Variants in KCTD21 observed in about 807,000 individuals in gnomAD.
KCTD21 encodes potassium channel tetramerization domain containing 21.
A neutral mutation model predicts 13.2 loss-of-function variants in KCTD21; 9 were observed. The observed-to-expected ratio is 0.68, with a 90% CI of 0.41 to 1.19. The LOEUF (loss-of-function observed/expected upper bound fraction) is 1.19. KCTD21 is among the 50% of genes most tolerant of loss of function. The pLI is 0.01. For missense variants in KCTD21, 303 were observed against 336.5 expected (o/e 0.90, Z 0.78); for synonymous variants, 142 against 137.4 (o/e 1.03, Z -0.23).
At chr11:78,178,460 T>C (rs1399027219) in intron 1 of KCTD21, among the ~76,000 whole-genome samples, 1 of 152,070 alleles carries the variant, frequency 6.6e-6, no homozygotes, top group African/African-American at 2.4e-5. Flanking sequence ...AGGGCCACAG[T>C]GTCCATCATC....
intron 1 of KCTD21, among the ~76,000 whole-genome samples, chr11:78,179,045 A>G (rs1054912070): frequency 6.6e-6 from 1 of 151,950 alleles, no homozygotes; most frequent in African/African-American, 2.4e-5. Flanking sequence ...GCTGATAAGA[A>G]CCTCAAATGG....
intron 1 of KCTD21, chr11:78,187,380 G>A: frequency 1.0e-6 from 1 of 985,420 alleles, no homozygotes; most frequent in South Asian, 4.7e-5. Context: ...CCCATAGGGA[G>A]GAGAGAAAAG....
Position 78,174,402 on chromosome 11 carries a change from A to C in KCTD21, c.153T>G (p.Arg51=), listed in dbSNP as rs772738669. 3.2e-5 allele frequency: 51 copies of C among 1,613,848 alleles called. No individual in the cohort carries two copies. The highest frequency in any genetic ancestry group is 4.2e-5 in the Non-Finnish European group (50 of 1,180,020). The change falls in exon 2 of 2, where the codon CGT becomes CGG. Residue 51 remains arginine (R), a synonymous_variant. Transcript: ENST00000340067. ...GGATATAGCGGAACACTTTGCCGTC[A>C]CGGTCAATGAAGCAGTTGCCCTGGC... ...RDSQGNCFID[R]DGKVFRYILN...
chr11:78,175,231 G>A (rs1862415094), intron 1 of KCTD21: 1 of 150,832 alleles, frequency 6.6e-6, no homozygotes, highest in South Asian at 2.1e-4. Context: ...GCTGGGGCAG[G>A]AGAATCATTT....
intron 1 of KCTD21, among the ~76,000 whole-genome samples, chr11:78,186,392 A>G (rs1453228262): frequency 1.4e-5 from 2 of 141,048 alleles, no homozygotes; most frequent in African/African-American, 5.8e-5. Context: ...AAAAAAAAAA[A>G]AAAAAAAAAA....
chr11:78,187,406 A>T (rs1590886882), intron 1 of KCTD21: 1 of 985,300 alleles, frequency 1.0e-6, no homozygotes, highest in African/African-American at 1.7e-5. Flanking sequence ...TCCTAGACAC[A>T]GGGACCCCAG....
chr11:78,184,086 A>C (rs186986322), intron 1 of KCTD21, among the ~76,000 whole-genome samples: 5 of 152,376 alleles, frequency 3.3e-5, no homozygotes, highest in African/African-American at 1.2e-4. Context: ...ACATAATTAT[A>C]ACAGACTCAG....
In KCTD21 at chr11:78,173,766, G is replaced by A. The variant is rs755490315; in HGVS notation, c.*6C>T. The A allele has an allele frequency of 3.8e-6, 6 of 1,598,746 alleles. No individual in the cohort carries two copies. In the East Asian group the frequency reaches 1.3e-4, roughly 36 times the overall value. ...ACTCCCCATCTCCAGTGTTGTTGGGGTCCTTTTACCTGTACCGTATTAATC... is the reference window on the plus strand; with the variant it reads ...ACTCCCCATCTCCAGTGTTGTTGGGATCCTTTTACCTGTACCGTATTAATC... On this transcript the variant is annotated 3_prime_UTR_variant, in exon 2 of 2. Transcript: ENST00000340067.
intron 1 of KCTD21, chr11:78,188,219 C>A: frequency 1.0e-6 from 1 of 984,978 alleles, no homozygotes; most frequent in Non-Finnish European, 1.2e-6. Context: ...CCTACAGCCC[C>A]CACTCCGACC....
chr11:78,186,357 G>T (rs1477703422), intron 1 of KCTD21, among the ~76,000 whole-genome samples: 1 of 102,840 alleles, frequency 9.7e-6, no homozygotes, highest in Non-Finnish European at 1.8e-5. Flanking sequence ...GGGCAACAGA[G>T]TAAGACCCTG....
intron 1 of KCTD21, among the ~76,000 whole-genome samples, chr11:78,183,491 G>A (rs1590882626): frequency 6.6e-6 from 1 of 151,542 alleles, no homozygotes; most frequent in Admixed American, 6.6e-5. Context: ...AGCCAAGATC[G>A]TGCCACTGCA....
At chr11:78,178,881 A>C (rs148313158) in intron 1 of KCTD21, among the ~76,000 whole-genome samples, 1 of 152,300 alleles carries the variant, frequency 6.6e-6, no homozygotes, top group Non-Finnish European at 1.5e-5. Flanking sequence ...CAAAGGATCA[A>C]ACGCTCCTCT....
At chr11:78,184,830 G>A (rs1862725738) in intron 1 of KCTD21, among the ~76,000 whole-genome samples, 1 of 151,904 alleles carries the variant, frequency 6.6e-6, no homozygotes. Flanking sequence ...GTTCACTGCA[G>A]CCTTGACATC....
At chr11:78,186,738 C>CT (rs1459185412) in intron 1 of KCTD21, 1 of 985,490 alleles carries the variant, frequency 1.0e-6, no homozygotes, top group Non-Finnish European at 1.2e-6. Flanking sequence ...ATCTGCCATC[C>CT]CCTCTGCCTG....
intron 1 of KCTD21, among the ~76,000 whole-genome samples, chr11:78,186,326 C>A (rs954162413): frequency 7.8e-6 from 1 of 127,770 alleles, no homozygotes; most frequent in East Asian, 2.3e-4. Flanking sequence ...AAGCCGAGAT[C>A]ACGCCACTGC....
Position 78,175,661 on chromosome 11 carries a change from A to T in KCTD21, c.-29-1078T>A, listed in dbSNP as rs1324212902. Among the ~76,000 whole-genome samples the T allele has an allele frequency of 2.6e-5, 4 of 152,290 alleles. No homozygotes were observed. In the East Asian group the frequency reaches 7.7e-4, roughly 29 times the overall value. ...AATGGCCATGATTAGTGTCATTTCCATCTATCTTCAAGGCCCACAGTGGGT... is the reference window on the plus strand; with the variant it reads ...AATGGCCATGATTAGTGTCATTTCCTTCTATCTTCAAGGCCCACAGTGGGT... On this transcript the variant is annotated intron_variant, in intron 1 of 1. Transcript: ENST00000340067.
chr11:78,188,220 C>G (rs994662768), intron 1 of KCTD21: 23 of 984,908 alleles, frequency 2.3e-5, no homozygotes, highest in Non-Finnish European at 2.0e-5. Context: ...CTACAGCCCC[C>G]ACTCCGACCT....
At chr11:78,177,163 G>A (rs955106085) in intron 1 of KCTD21, among the ~76,000 whole-genome samples, 1 of 152,216 alleles carries the variant, frequency 6.6e-6, no homozygotes, top group Non-Finnish European at 1.5e-5. Flanking sequence ...CTGCACTGAG[G>A]CCTCCTTTCT....
At position 78,171,941 on chromosome 11, in the gene KCTD21, AG is replaced by A; in HGVS notation, c.*1830del. 1 of 152,374 alleles carries A rather than the reference AG, an allele frequency of 6.6e-6. No homozygotes were observed. The highest frequency in any genetic ancestry group is 1.5e-5 in the Non-Finnish European group (1 of 68,100). The allele number at this position is 152,374 out of a possible 1,614,324, so 9.4% of individuals were successfully genotyped here. On this transcript the variant is annotated 3_prime_UTR_variant, in exon 2 of 2. Transcript: ENST00000340067. ...CAGAGAGACTCCTGGGTCCCACCGT[AG>A]GGGGAAAAGGGCCTTTACTGCTCAA...
Sources: gnomAD v4.1 joint callset for allele counts (sites outside exome capture counted in the v4.1 genomes callset) on GRCh38, gnomAD v4.1.1 for gene constraint, MANE v1.5 for transcripts, NCBI Gene and HGNC (gene_info 2026-07-23, HGNC 2026-07-21) for gene names.